The following SRBD1 variants were observed in gnomAD, a reference collection of about 807,000 sequenced individuals.
The protein encoded by SRBD1 is S1 RNA binding domain 1.
SRBD1 carries 88 observed loss-of-function variants against 115.3 expected under a neutral mutation model. That is an observed-to-expected ratio of 0.76 (90% CI 0.64 to 0.91). The LOEUF is 0.91. Ranked by LOEUF, SRBD1 falls within the 40% of genes least tolerant of loss-of-function variation. The pLI, the probability that SRBD1 is intolerant of heterozygous loss-of-function variation, is 0.00. For synonymous variants in SRBD1, 509 were observed against 407.7 expected (o/e 1.25, Z -2.99); for missense variants, 1,385 against 1,177.4 (o/e 1.18, Z -2.58).
chr2:45,567,934 AC>A, intron 9 of SRBD1: 1 of 152,190 alleles, frequency 6.6e-6, no homozygotes, highest in Non-Finnish European at 1.5e-5. Context: ...CGTCAAACTT[AC>A]AAAAAATCCT....
chr2:45,395,403 TAAC>T (rs1667116694), intron 19 of SRBD1, among the ~76,000 whole-genome samples: 1 of 152,168 alleles, frequency 6.6e-6, no homozygotes, highest in Admixed American at 6.6e-5. Flanking sequence ...AGAGAGGAAC[TAAC>T]TACTACCAAA....
intron 16 of SRBD1, among the ~76,000 whole-genome samples, chr2:45,451,774 A>G (rs1669006055): frequency 6.6e-6 from 1 of 151,764 alleles, no homozygotes. Flanking sequence ...GTTCATGTAA[A>G]TGATGGCTCC....
intron 19 of SRBD1, among the ~76,000 whole-genome samples, chr2:45,404,502 T>G (rs1476448489): frequency 6.6e-6 from 1 of 152,158 alleles, no homozygotes; most frequent in Non-Finnish European, 1.5e-5. Context: ...TTTTTGCCAT[T>G]TGTAACCAGT....
chr2:45,457,064 T>C (rs1017305618), intron 16 of SRBD1, among the ~76,000 whole-genome samples: 2 of 151,724 alleles, frequency 1.3e-5, no homozygotes, highest in Non-Finnish European at 2.9e-5. Flanking sequence ...TAATAATGGG[T>C]TTTTATAGCA....
At chr2:45,507,562 A>G (rs372353586) in intron 14 of SRBD1, among the ~76,000 whole-genome samples, 270 of 152,064 alleles carry the variant, frequency 1.8e-3, no homozygotes, top group African/African-American at 6.1e-3. Context: ...TCTACTAAAA[A>G]TACAAAAAAT....
At chr2:45,488,137 A>T (rs1670176285) in intron 15 of SRBD1, 103 bp downstream of exon 15, 1 of 945,546 alleles carries the variant, frequency 1.1e-6, no homozygotes, top group Non-Finnish European at 1.7e-6. Context: ...TGCATGTAGT[A>T]TAACTTTTAA....
chr2:45,563,465 G>A (rs1038137435), intron 9 of SRBD1, among the ~76,000 whole-genome samples: 3 of 151,422 alleles, frequency 2.0e-5, no homozygotes, highest in Admixed American at 6.6e-5. Flanking sequence ...AAATAATAGG[G>A]TAAAAATAAA....
chr2:45,510,984 A>C (rs1250733065), intron 14 of SRBD1, among the ~76,000 whole-genome samples: 1 of 152,220 alleles, frequency 6.6e-6, no homozygotes, highest in Non-Finnish European at 1.5e-5. Flanking sequence ...GCCTAGGATT[A>C]TAGTTATAAA....
At chr2:45,471,375 A>G (rs967867994) in intron 16 of SRBD1, among the ~76,000 whole-genome samples, 37 of 152,168 alleles carry the variant, frequency 2.4e-4, no homozygotes, top group Non-Finnish European at 3.5e-4. Context: ...TCACATTATT[A>G]AATCTTCCTT....
chr2:45,451,238 T>C (rs1388159493), intron 16 of SRBD1, among the ~76,000 whole-genome samples: 3 of 152,114 alleles, frequency 2.0e-5, no homozygotes, highest in Non-Finnish European at 4.4e-5. Flanking sequence ...GATTATGCCA[T>C]ACAGAATGAA....
rs776553035 is a variant in SRBD1 at position 45,418,436 on chromosome 2, C to T, written c.2262G>A (p.Leu754=). The T allele has an allele frequency of 4.3e-6, 7 of 1,613,714 alleles. No homozygotes were observed. The African/African-American group carries it at 8.0e-5, about 18-fold the overall frequency. ...CACACTGTTGGAAGGATTTTGGGCCCAGCCCTTTCACTTTCTTCAGCTGTT... is the reference window on the plus strand; with the variant it reads ...CACACTGTTGGAAGGATTTTGGGCCTAGCCCTTTCACTTTCTTCAGCTGTT... The part of the protein sequence containing the change: ...NREQLKKVKG[L]GPKSFQQCAG... Residue 754 remains leucine (L), a synonymous_variant, in exon 18 of 21, where the codon CTG becomes CTA. Coordinates refer to ENST00000263736, the MANE Select transcript of SRBD1 (RefSeq NM_018079.5).
In SRBD1 at chr2:45,600,976, T is replaced by A. The variant is rs1572828359; in HGVS notation, c.261+927A>T. Among the ~76,000 whole-genome samples the A allele has an allele frequency of 2.6e-5, 4 of 152,276 alleles. No individual in the cohort carries two copies. In the South Asian group the frequency reaches 8.3e-4, roughly 32 times the overall value. On this transcript the variant is annotated intron_variant, in intron 3 of 20. Transcript: ENST00000263736. ...GAAAATAATGAACATTAGAGAGCCC[T>A]CTGAGTATTAAATTTTTTGCCCAAA... is the stretch of plus-strand genomic sequence containing the variant.
chr2:45,444,717 T>C (rs1668769803), intron 16 of SRBD1, among the ~76,000 whole-genome samples: 1 of 152,224 alleles, frequency 6.6e-6, no homozygotes, highest in Non-Finnish European at 1.5e-5. Context: ...AATCTTTTTC[T>C]CTAAATTTCC....
chr2:45,543,177 AACTGAG>A (rs1672001625), intron 14 of SRBD1, among the ~76,000 whole-genome samples: 1 of 152,250 alleles, frequency 6.6e-6, no homozygotes, highest in African/African-American at 2.4e-5. Context: ...AGTATGTGAT[AACTGAG>A]ACTCAGCATG....
chr2:45,538,707 T>C (rs927683649), intron 14 of SRBD1, among the ~76,000 whole-genome samples: 1 of 152,246 alleles, frequency 6.6e-6, no homozygotes, highest in Non-Finnish European at 1.5e-5. Context: ...TGTTCTCTTC[T>C]TGTACCTTAC....
At chr2:45,558,142 C>A (rs1672541839) in intron 10 of SRBD1, among the ~76,000 whole-genome samples, 1 of 152,060 alleles carries the variant, frequency 6.6e-6, no homozygotes, top group Admixed American at 6.6e-5. Flanking sequence ...CTTATCAAGT[C>A]AAAGACACAA....
chr2:45,553,541 A>C, intron 11 of SRBD1, 82 bp downstream of exon 11: 1 of 890,566 alleles, frequency 1.1e-6, no homozygotes, highest in Non-Finnish European at 1.6e-6. Flanking sequence ...ATCAATCAAC[A>C]AACATTAGCT....
At chr2:45,536,721 A>G (rs1252349538) in intron 14 of SRBD1, among the ~76,000 whole-genome samples, 1 of 152,094 alleles carries the variant, frequency 6.6e-6, no homozygotes, top group Non-Finnish European at 1.5e-5. Context: ...ACATATCCCA[A>G]TGTGTTCTCA....
chr2:45,599,794 T>G lies in SRBD1; in HGVS notation c.303A>C (p.Arg101Ser), dbSNP rs775001781. The G allele has an allele frequency of 3.7e-6, 6 of 1,613,960 alleles. No homozygotes were observed. In the Admixed American group the frequency reaches 1.0e-4, roughly 27 times the overall value. Residue 101 changes from arginine to serine, a missense_variant, in exon 4 of 21, where the codon AGA becomes AGC. Coordinates refer to ENST00000263736, the MANE Select transcript of SRBD1 (RefSeq NM_018079.5). ...TCTGTACAGTATCCAATTTATTTTT[T>G]CTGTCTTCTAAAGCAGTATCAGCAA... ...VAIADTALEDRKNKLDTVQTL... is the reference protein window; with the variant it reads ...VAIADTALEDSKNKLDTVQTL...
Sources: gnomAD v4.1 joint callset for allele counts (sites outside exome capture counted in the v4.1 genomes callset) on GRCh38, gnomAD v4.1.1 for gene constraint, MANE v1.5 for transcripts, NCBI Gene and HGNC (gene_info 2026-07-23, HGNC 2026-07-21) for gene names.